The following PARD3B variants were observed in gnomAD, a reference collection of about 807,000 sequenced individuals.
PARD3B encodes partitioning defective 3 homolog B.
In PARD3B, 103 loss-of-function variants were observed where a neutral mutation model predicts 130.2. The observed-to-expected ratio is 0.79, with a 90% CI of 0.67 to 0.93. The LOEUF is 0.93. Among genes scored for constraint, PARD3B ranks in the 40% least tolerant of loss-of-function variants. The pLI is 0.00. For missense variants in PARD3B, 1,609 were observed against 1,499.2 expected (o/e 1.07, Z -1.21); for synonymous variants, 583 against 553.2 (o/e 1.05, Z -0.76).
At chr2:205,124,891 A>C (rs1320221941) in intron 9 of PARD3B, among the ~76,000 whole-genome samples, 1 of 152,236 alleles carries the variant, frequency 6.6e-6, no homozygotes, top group Non-Finnish European at 1.5e-5. Context: ...TATCCCTATC[A>C]TCTGTGCTAG....
chr2:205,454,831 C>T (rs2048216972), intron 20 of PARD3B, among the ~76,000 whole-genome samples: 1 of 152,088 alleles, frequency 6.6e-6, no homozygotes. Context: ...GTCACACGCA[C>T]ACTTAACACC....
At chr2:204,720,190 G>A (rs1289553541) in intron 2 of PARD3B, among the ~76,000 whole-genome samples, 1 of 152,162 alleles carries the variant, frequency 6.6e-6, no homozygotes, top group African/African-American at 2.4e-5. Flanking sequence ...AATACTGCGA[G>A]CCAGCAGAAA....
At chr2:205,579,232 G>C (rs983351770) in intron 22 of PARD3B, among the ~76,000 whole-genome samples, 1 of 152,142 alleles carries the variant, frequency 6.6e-6, no homozygotes, top group East Asian at 1.9e-4. Context: ...TGGAGGTGAG[G>C]AATGTCCGAG....
At chr2:204,553,706 A>G (rs1387186626) in intron 1 of PARD3B, among the ~76,000 whole-genome samples, 1 of 139,240 alleles carries the variant, frequency 7.2e-6, no homozygotes, top group Non-Finnish European at 1.5e-5. Context: ...ACACACATAT[A>G]TATAAAGGAA....
intron 21 of PARD3B, among the ~76,000 whole-genome samples, chr2:205,537,691 C>T (rs560733869): frequency 6.6e-6 from 1 of 152,266 alleles, no homozygotes; most frequent in African/African-American, 2.4e-5. Context: ...ACCTGTTGTA[C>T]CCTGGGAAGG....
chr2:204,691,083 G>A (rs1302882199), intron 2 of PARD3B, among the ~76,000 whole-genome samples: 1 of 152,148 alleles, frequency 6.6e-6, no homozygotes, highest in Non-Finnish European at 1.5e-5. Context: ...AAGGCCCTAA[G>A]AAGTCTGAAG....
Position 205,128,903 on chromosome 2 carries a change from G to C in PARD3B, c.1434+3166G>C, listed in dbSNP as rs1197255398. Among the ~76,000 whole-genome samples, 1 of 152,108 alleles carries C rather than the reference G, an allele frequency of 6.6e-6. No homozygotes were observed. The highest frequency in any genetic ancestry group is 2.4e-5 in the African/African-American group (1 of 41,412). On this transcript the variant is annotated intron_variant, in intron 10 of 22. Transcript: ENST00000406610. This position sits in a 1 kb window ranked among gnomAD's most constrained non-coding sequence, Gnocchi z 4.5. Reference sequence around the variant, plus strand: ...AGTCAAATTGATAAGGGAGGCAGCTGTATGTGTTATTTCACTCTCATTTAA... The same window carrying C: ...AGTCAAATTGATAAGGGAGGCAGCTCTATGTGTTATTTCACTCTCATTTAA...
intron 2 of PARD3B, among the ~76,000 whole-genome samples, chr2:204,751,240 T>C (rs1453430681): frequency 1.3e-5 from 2 of 152,174 alleles, no homozygotes; most frequent in Non-Finnish European, 2.9e-5. Flanking sequence ...GAAATCTTAA[T>C]GGAGGCAAAT....
At chr2:204,850,505 T>C (rs765064600) in intron 2 of PARD3B, among the ~76,000 whole-genome samples, 3 of 151,906 alleles carry the variant, frequency 2.0e-5, no homozygotes, top group African/African-American at 4.8e-5. Flanking sequence ...TATATGTATA[T>C]ATATATGTGT....
intron 15 of PARD3B, among the ~76,000 whole-genome samples, chr2:205,218,894 A>G (rs2038088511): frequency 6.6e-6 from 1 of 152,152 alleles, no homozygotes; most frequent in East Asian, 1.9e-4. Flanking sequence ...AGCCTGCCCA[A>G]CATGGTGAAA....
rs1229493157 is a variant in PARD3B at position 205,078,498 on chromosome 2, A to G, written c.505-25928A>G. On this transcript the variant is annotated intron_variant, in intron 4 of 22. Transcript: ENST00000406610. The surrounding 1 kb of genome is among the most constrained non-coding windows in gnomAD (Gnocchi z 4.0). The stretch of plus-strand genomic sequence containing the variant: ...CCATTAGGGTTCACATAAGTATTCT[A>G]TCAAGATAGAAATTTAAAGTAAATG... Among the ~76,000 whole-genome samples the G allele has an allele frequency of 6.6e-6, 1 of 152,216 alleles. No individual in the cohort carries two copies. The highest frequency in any genetic ancestry group is 1.9e-4 in the East Asian group (1 of 5,196).
At chr2:204,717,195 T>C (rs557356933) in intron 2 of PARD3B, among the ~76,000 whole-genome samples, 1 of 152,190 alleles carries the variant, frequency 6.6e-6, no homozygotes, top group South Asian at 2.1e-4. Context: ...AAAACCCAAA[T>C]ATTATTTAAC....
chr2:205,276,488 G>A lies in PARD3B; in HGVS notation c.2186-24042G>A, dbSNP rs1177115146. Among the ~76,000 whole-genome samples the A allele has an allele frequency of 1.3e-5, 2 of 152,202 alleles. No individual in the cohort carries two copies. The highest frequency in any genetic ancestry group is 2.9e-5 in the Non-Finnish European group (2 of 68,032). On this transcript the variant is annotated intron_variant, in intron 16 of 22. Coordinates refer to ENST00000406610, the MANE Select transcript of PARD3B (RefSeq NM_001302769.2). The surrounding 1 kb of genome is among the most constrained non-coding windows in gnomAD (Gnocchi z 5.0). ...AAATGCTTTCTGAAAGAATTTAAAA[G>A]AAGACAAAGGAGTTGCAGGGAGAAG...
intron 4 of PARD3B, among the ~76,000 whole-genome samples, chr2:205,057,244 A>G (rs918775199): frequency 6.6e-6 from 1 of 150,536 alleles, no homozygotes; most frequent in Non-Finnish European, 1.5e-5. Flanking sequence ...ATATACATAT[A>G]CATGTGTTAT....
chr2:205,561,774 A>T (rs754861865), intron 22 of PARD3B, among the ~76,000 whole-genome samples: 9 of 152,228 alleles, frequency 5.9e-5, no homozygotes, highest in Non-Finnish European at 1.0e-4. Context: ...AGGAATACTA[A>T]GATGAGCTGA....
chr2:204,784,734 G>C (rs2041949279), intron 2 of PARD3B, among the ~76,000 whole-genome samples: 1 of 152,096 alleles, frequency 6.6e-6, no homozygotes, highest in Admixed American at 6.5e-5. Context: ...TGTGACTTTG[G>C]TACCTAGCCC....
chr2:205,567,554 C>T (rs1475317755), intron 22 of PARD3B, among the ~76,000 whole-genome samples: 1 of 146,758 alleles, frequency 6.8e-6, no homozygotes, highest in Non-Finnish European at 1.5e-5. Context: ...GATCTCCTGA[C>T]CTCATGATCC....
At chr2:205,487,571 A>G (rs1207251710) in intron 20 of PARD3B, among the ~76,000 whole-genome samples, 1 of 152,180 alleles carries the variant, frequency 6.6e-6, no homozygotes, top group African/African-American at 2.4e-5. Flanking sequence ...ATCTGTAAGG[A>G]AAGGTTAGGT....
chr2:204,685,434 G>A (rs1036666700), intron 1 of PARD3B, among the ~76,000 whole-genome samples: 5 of 152,172 alleles, frequency 3.3e-5, no homozygotes, highest in African/African-American at 7.2e-5. Flanking sequence ...TAGGCAGTAC[G>A]TAAGTAACTG....
Sources: allele counts gnomAD v4.1 joint callset (sites outside exome capture counted in the v4.1 genomes callset), GRCh38; gene constraint gnomAD v4.1.1; non-coding constraint Gnocchi (gnomAD v3.1); transcripts MANE v1.5; gene names NCBI Gene and HGNC (gene_info 2026-07-23, HGNC 2026-07-21).